ADAM29: variants seen among roughly 807,000 people sequenced by gnomAD.
ADAM29 encodes ADAM metallopeptidase domain 29, also known as disintegrin and metalloproteinase domain-containing protein 29.
For synonymous variants in ADAM29, 367 were observed against 342.3 expected, an observed-to-expected ratio of 1.07 and a Z score of -0.80; for missense variants, 969 against 1,001.8, an observed-to-expected ratio of 0.97 and a Z score of 0.44.
intron 3 of ADAM29, among the ~76,000 whole-genome samples, chr4:174,933,318 C>G (rs73869045): frequency 6.6e-6 from 1 of 151,930 alleles, no homozygotes; most frequent in Non-Finnish European, 1.5e-5. Context: ...AGAAACTTCT[C>G]GAGCTCCCTA....
chr4:174,975,539 T>C lies in ADAM29; in HGVS notation c.14T>C (p.Leu5Pro), dbSNP rs767607901. Reference protein sequence around the residue: MKMLLLLHCLGVFLS... With the variant: MKMLPLLHCLGVFLS... ...GCCTTTTTGAACATGAAGATGTTAC[T>C]CCTGCTGCATTGCCTTGGGGTGTTT... Residue 5 changes from leucine (L) to proline (P), a missense_variant, in exon 5 of 5, where the codon CTC becomes CCC. By Grantham distance (98) the Leu-to-Pro change is moderately conservative (BLOSUM62 -3). Transcript: ENST00000359240. 2.6e-6 allele frequency: 4 copies of C among 1,511,764 alleles called. No homozygotes were observed. Among genetic ancestry groups the C allele is most frequent in the Non-Finnish European group, 3.5e-6 (4 of 1,130,334 alleles). 93.6% of individuals were successfully genotyped at this position (1,511,764 alleles called of 1,614,324 possible).
chr4:174,945,318 C>A (rs1744777668), intron 4 of ADAM29, among the ~76,000 whole-genome samples: 1 of 152,054 alleles, frequency 6.6e-6, no homozygotes, highest in South Asian at 2.1e-4. Flanking sequence ...CTGCTTATGT[C>A]ATTTGAACAC....
chr4:174,972,231 G>C (rs1236843552), intron 4 of ADAM29, among the ~76,000 whole-genome samples: 1 of 152,132 alleles, frequency 6.6e-6, no homozygotes, highest in Non-Finnish European at 1.5e-5. Context: ...ATCTTTGCCT[G>C]TTTCTACGTT....
rs1394905176 is a variant in ADAM29 at position 174,976,283 on chromosome 4, A to G, written c.758A>G (p.Asn253Ser). ...VLLFGLEIWT[N>S]KNLIVVDDVR... is the part of the protein sequence containing the mutation. ...TTATTTGGTTTGGAGATCTGGACCA[A>G]TAAAAACCTCATTGTAGTAGATGAT... is the stretch of plus-strand genomic sequence containing the variant. Residue 253 changes from asparagine to serine, a missense_variant, in exon 5 of 5, where the codon AAT (asparagine) becomes AGT (serine). By Grantham distance (46) the Asn-to-Ser change is conservative. Transcript: ENST00000359240. 6 of 1,611,676 alleles carry G rather than the reference A, an allele frequency of 3.7e-6. No homozygotes were observed. Among genetic ancestry groups the G allele is most frequent in the Non-Finnish European group, 3.4e-6 (4 of 1,179,264 alleles).
At chr4:174,933,034 C>T (rs1042726942) in intron 3 of ADAM29, among the ~76,000 whole-genome samples, 4 of 152,060 alleles carry the variant, frequency 2.6e-5, no homozygotes, top group African/African-American at 9.7e-5. Context: ...CCTTAACTGG[C>T]AGAGAGTGGA....
In ADAM29 at chr4:174,976,532, A is replaced by G; in HGVS notation, c.1007A>G (p.His336Arg). 1 of 1,607,130 alleles carries G rather than the reference A, an allele frequency of 6.2e-7. No individual in the cohort carries two copies. Among genetic ancestry groups the G allele is most frequent in the Non-Finnish European group, 8.5e-7 (1 of 1,177,158 alleles). Reference protein sequence around the residue: ...FSIAVAHHLGHNLGMNHDEDT... With the variant: ...FSIAVAHHLGRNLGMNHDEDT... ...ATTGCAGTGGCTCATCATCTAGGTC[A>G]TAATTTGGGCATGAACCATGATGAG... The change falls in exon 5 of 5, where the codon CAT (histidine) becomes CGT (arginine). Residue 336 changes from histidine to arginine, a missense_variant. Transcript: ENST00000359240.
At chr4:174,941,659 T>C (rs966683780) in intron 4 of ADAM29, among the ~76,000 whole-genome samples, 1 of 152,128 alleles carries the variant, frequency 6.6e-6, no homozygotes, top group Non-Finnish European at 1.5e-5. Context: ...GTCCCTCTCC[T>C]GACAAATGAG....
chr4:174,924,498 A>T (rs889502896), intron 2 of ADAM29, among the ~76,000 whole-genome samples: 2 of 152,216 alleles, frequency 1.3e-5, no homozygotes, highest in African/African-American at 4.8e-5. Context: ...GTCTACACAA[A>T]AACCTGCATG....
intron 2 of ADAM29, among the ~76,000 whole-genome samples, chr4:174,923,118 C>T (rs923211128): frequency 4.6e-5 from 7 of 151,912 alleles, no homozygotes; most frequent in East Asian, 1.9e-4. Context: ...TGCAGTGGTG[C>T]GATCTCGGCT....
In ADAM29 at chr4:174,977,323, G is replaced by A; in HGVS notation, c.1798G>A (p.Asp600Asn). 6.2e-7 allele frequency: 1 copy of A among 1,613,596 alleles called. No individual in the cohort carries two copies. Among genetic ancestry groups the A allele is most frequent in the South Asian group, 1.1e-5 (1 of 91,078 alleles). Residue 600 changes from aspartate to asparagine, a missense_variant, in exon 5 of 5, where the codon GAT (aspartate) becomes AAT (asparagine). Coordinates refer to ENST00000359240, the MANE Select transcript of ADAM29 (RefSeq NM_014269.4). ...GGGACCTGATATTGGTGAAGTGAAA[G>A]ATGGAACAGAGTGTGGGATAGATCA... ...MKGPDIGEVK[D>N]GTECGIDHIC...
intron 4 of ADAM29, among the ~76,000 whole-genome samples, chr4:174,948,671 G>A (rs553129842): frequency 5.1e-4 from 78 of 152,342 alleles, no homozygotes; most frequent in Non-Finnish European, 5.4e-4. Context: ...CAGCAGCATG[G>A]TGGGGTGCAT....
At chr4:174,951,653 G>A (rs1204886714) in intron 4 of ADAM29, among the ~76,000 whole-genome samples, 1 of 152,086 alleles carries the variant, frequency 6.6e-6, no homozygotes, top group Non-Finnish European at 1.5e-5. Flanking sequence ...ATAATGCCTG[G>A]CACACAGTAA....
At chr4:174,933,533 CAT>C (rs556964255) in intron 3 of ADAM29, among the ~76,000 whole-genome samples, 60 of 152,118 alleles carry the variant, frequency 3.9e-4, no homozygotes, top group African/African-American at 1.4e-3. Flanking sequence ...TATAGGTAAA[CAT>C]ATGTCACAGG....
At chr4:174,919,939 A>G (rs1743075018) in intron 1 of ADAM29, among the ~76,000 whole-genome samples, 1 of 152,190 alleles carries the variant, frequency 6.6e-6, no homozygotes, top group Admixed American at 6.5e-5. Flanking sequence ...TCTGTCTGCC[A>G]CGTTGACTTT....
Position 174,975,483 on chromosome 4 carries a change from A to G in ADAM29, c.-43A>G. On this transcript the variant is annotated 5_prime_UTR_variant, in exon 5 of 5. It adds an upstream start codon to the 5' untranslated region. Coordinates refer to ENST00000359240, the MANE Select transcript of ADAM29 (RefSeq NM_014269.4). ...TTCTGCTCTGGACCAGTGTTTCCAT[A>G]ACAGGGACTTCAAAATCACTGTGAT... is the stretch of plus-strand genomic sequence containing the variant. 1 of 1,494,036 alleles carries G rather than the reference A, an allele frequency of 6.7e-7. No individual in the cohort carries two copies. The highest frequency in any genetic ancestry group is 1.4e-5 in the South Asian group (1 of 70,204). 92.5% of individuals were successfully genotyped at this position (1,494,036 alleles called of 1,614,324 possible). A position where few individuals can be genotyped will look rare whatever the true frequency, so the allele number is the denominator to read the frequency against.
At chr4:174,950,823 T>C (rs1233585857) in intron 4 of ADAM29, among the ~76,000 whole-genome samples, 1 of 152,128 alleles carries the variant, frequency 6.6e-6, no homozygotes. Context: ...CCCCTTCTGT[T>C]CATGTGATAG....
At chr4:174,957,779 A>G (rs908673886) in intron 4 of ADAM29, among the ~76,000 whole-genome samples, 10 of 151,816 alleles carry the variant, frequency 6.6e-5, no homozygotes, top group Non-Finnish European at 1.3e-4. Flanking sequence ...TATCTTTCTA[A>G]AAATATAATT....
At chr4:174,971,892 T>C (rs953351441) in intron 4 of ADAM29, among the ~76,000 whole-genome samples, 26 of 152,186 alleles carry the variant, frequency 1.7e-4, no homozygotes, top group African/African-American at 6.3e-4. Context: ...TCATTTTTGT[T>C]CTTTTTACTC....
chr4:174,965,987 T>C (rs537234428), intron 4 of ADAM29, among the ~76,000 whole-genome samples: 3 of 152,306 alleles, frequency 2.0e-5, no homozygotes, highest in African/African-American at 7.2e-5. Context: ...GGAGGATTGG[T>C]CCCAGGACCT....
Sources: gnomAD v4.1 joint callset for allele counts (sites outside exome capture counted in the v4.1 genomes callset) on GRCh38, gnomAD v4.1.1 for gene constraint, MANE v1.5 for transcripts, NCBI Gene and HGNC (gene_info 2026-07-23, HGNC 2026-07-21) for gene names.